The following SCAMP5 variants were observed in gnomAD, a reference collection of about 807,000 sequenced individuals.
SCAMP5 encodes secretory carrier-associated membrane protein 5.
In SCAMP5, 7 loss-of-function variants were observed where a neutral mutation model predicts 28.3. The ratio of observed to expected loss-of-function variants is 0.25; its 90% confidence interval spans 0.14 to 0.46. The LOEUF is 0.46. SCAMP5 is among the 20% of genes least tolerant of loss of function. The pLI is 0.99. For synonymous variants in SCAMP5, 117 were observed against 116.4 expected, an observed-to-expected ratio of 1.00 and a Z score of -0.03; for missense variants, 192 against 312.5, an observed-to-expected ratio of 0.61 and a Z score of 2.91.
intron 4 of SCAMP5, chr15:75,017,650 A>C (rs1043929678): frequency 3.3e-6 from 2 of 605,486 alleles, no homozygotes; most frequent in Non-Finnish European, 5.9e-6. Context: ...TGGTCTGTTC[A>C]TGGGAAATCC....
At position 75,015,454 on chromosome 15, in the gene SCAMP5, G is replaced by C. The variant is rs3751647; in HGVS notation, c.137-1139G>C. ...TCAGCTAGATGAGGTGGGGACAGAG[G>C]GGGGGGGGCCTGGGTCCTGTTCTTG... is the stretch of plus-strand genomic sequence containing the variant. On this transcript the variant is annotated intron_variant, in intron 3 of 6. Coordinates refer to ENST00000425597, the MANE Select transcript of SCAMP5 (RefSeq NM_138967.4). Among the ~76,000 whole-genome samples the C allele has an allele frequency of 6.1e-3, 914 of 150,022 alleles. 20 individuals carry two copies. The East Asian group carries it at 0.094, about 15-fold the overall frequency.
At chr15:75,014,126 G>A (rs1290649165) in intron 3 of SCAMP5, among the ~76,000 whole-genome samples, 1 of 152,198 alleles carries the variant, frequency 6.6e-6, no homozygotes, top group Non-Finnish European at 1.5e-5. Flanking sequence ...TGCCCTGAGT[G>A]AGGCCTGCAC....
At chr15:75,010,869 G>T (rs1186419559) in intron 1 of SCAMP5, among the ~76,000 whole-genome samples, 2 of 152,040 alleles carry the variant, frequency 1.3e-5, no homozygotes, top group Non-Finnish European at 2.9e-5. Flanking sequence ...TTTGCCCGGG[G>T]AACTCCTCTT....
chr15:74,995,739 TG>T, intron 1 of SCAMP5, 66 bp downstream of exon 1: 1 of 151,972 alleles, frequency 6.6e-6, no homozygotes, highest in East Asian at 1.9e-4. Context: ...GCGAGAGGTG[TG>T]GGGGTCGCTG....
intron 1 of SCAMP5, among the ~76,000 whole-genome samples, chr15:75,001,313 A>C (rs2065706057): frequency 6.6e-6 from 1 of 150,966 alleles, no homozygotes; most frequent in Middle Eastern, 3.4e-3. Context: ...AATATCTATG[A>C]AGCCATCCTT....
chr15:75,018,481 T>C lies in SCAMP5; in HGVS notation c.459T>C (p.Ile153=), dbSNP rs1005272569. The change falls in exon 6 of 7, where the codon ATT becomes ATC. Residue 153 remains isoleucine, a synonymous_variant. Transcript: ENST00000425597. This position sits in a 1 kb window ranked among gnomAD's most constrained non-coding sequence, Gnocchi z 5.6. ...TTGGCTCGGCGGTGGTGATGCTAAT[T>C]CCCACTGTCATGTTCACAGTGATGG... ...TNIGSAVVML[I]PTVMFTVMAV... 6 of 1,613,728 alleles carry C rather than the reference T, an allele frequency of 3.7e-6. No homozygotes were observed. Among genetic ancestry groups the C allele is most frequent in the Non-Finnish European group, 5.1e-6 (6 of 1,179,674 alleles).
In SCAMP5 at chr15:75,019,106, A is replaced by C; in HGVS notation, c.*123A>C. 1.7e-6 allele frequency: 1 copy of C among 577,144 alleles called. No homozygotes were observed. The highest frequency in any genetic ancestry group is 3.0e-6 in the Non-Finnish European group (1 of 336,344). 35.8% of individuals were successfully genotyped at this position (577,144 alleles called of 1,614,324 possible). A position where few individuals can be genotyped will look rare whatever the true frequency, so the allele number is the denominator to read the frequency against. On this transcript the variant is annotated 3_prime_UTR_variant, in exon 7 of 7. Transcript: ENST00000425597. ...CTTTTCTCCTTCCCTACTTTGTACAAAGGACCAGAGTTATATATATATATA... is the reference window on the plus strand; with the variant it reads ...CTTTTCTCCTTCCCTACTTTGTACACAGGACCAGAGTTATATATATATATA...
intron 1 of SCAMP5, among the ~76,000 whole-genome samples, chr15:75,004,460 T>TCTGTAGACCATG (rs1435103471): frequency 6.6e-6 from 1 of 152,124 alleles, no homozygotes; most frequent in Non-Finnish European, 1.5e-5. Flanking sequence ...GCCGGCATGG[T>TCTGTAGACCATG]GGCTCACGCC....
chr15:75,002,507 C>T (rs550150695), intron 1 of SCAMP5, among the ~76,000 whole-genome samples: 1 of 152,064 alleles, frequency 6.6e-6, no homozygotes, highest in South Asian at 2.1e-4. Context: ...TTCTTTATCA[C>T]TGCTGTCACC....
chr15:75,012,581 G>A, intron 2 of SCAMP5, 96 bp from the exon 3 acceptor site: 1 of 1,436,704 alleles, frequency 7.0e-7, no homozygotes, highest in Non-Finnish European at 9.7e-7. Flanking sequence ...GTGGCCACAG[G>A]GGCCAATGGG....
At chr15:75,001,402 G>C (rs1389208192) in intron 1 of SCAMP5, among the ~76,000 whole-genome samples, 1 of 152,052 alleles carries the variant, frequency 6.6e-6, no homozygotes, top group Non-Finnish European at 1.5e-5. Flanking sequence ...TGCTCAGGCT[G>C]TGTCAGAATT....
chr15:74,999,953 A>G (rs2065688200), intron 1 of SCAMP5, among the ~76,000 whole-genome samples: 1 of 152,174 alleles, frequency 6.6e-6, no homozygotes, highest in Admixed American at 6.5e-5. Flanking sequence ...CTTTCACGAG[A>G]TATTGTTGAG....
intron 1 of SCAMP5, 107 bp downstream of exon 1, chr15:74,995,780 CT>C (rs2065645954): frequency 6.5e-6 from 1 of 152,736 alleles, no homozygotes; most frequent in Non-Finnish European, 1.5e-5. Context: ...TACACTTCAC[CT>C]TTGGATGCAG....
intron 3 of SCAMP5, among the ~76,000 whole-genome samples, chr15:75,015,223 G>A (rs1225338128): frequency 1.3e-5 from 2 of 152,186 alleles, no homozygotes; most frequent in Non-Finnish European, 2.9e-5. Flanking sequence ...ATGCCTGGCT[G>A]TTTGAGGCCA....
At chr15:74,997,799 C>T (rs1026958779) in intron 1 of SCAMP5, among the ~76,000 whole-genome samples, 1 of 152,178 alleles carries the variant, frequency 6.6e-6, no homozygotes, top group African/African-American at 2.4e-5. Flanking sequence ...ACTGAATAGT[C>T]ATCAGTAGGA....
chr15:74,998,675 C>T (rs915286431), intron 1 of SCAMP5, among the ~76,000 whole-genome samples: 1 of 150,990 alleles, frequency 6.6e-6, no homozygotes, highest in Non-Finnish European at 1.5e-5. Context: ...CAACCCCCCA[C>T]CCCCCATTTC....
In SCAMP5 at chr15:75,005,153, T is replaced by G. The variant is rs557544126; in HGVS notation, c.-48-6639T>G. On this transcript the variant is annotated intron_variant, in intron 1 of 6. Coordinates refer to ENST00000425597, the MANE Select transcript of SCAMP5 (RefSeq NM_138967.4). Reference sequence around the variant, plus strand: ...TCGTGCCACTGCACTCCAGCCTGGGTGACAGAGTGAGGCTCTTGTCTCAAA... The same window carrying G: ...TCGTGCCACTGCACTCCAGCCTGGGGGACAGAGTGAGGCTCTTGTCTCAAA... 1.4e-3 allele frequency among the ~76,000 whole-genome samples: 202 copies of G among 149,274 alleles called. 1 individual carries two copies. Among genetic ancestry groups the G allele is most frequent in the Middle Eastern group, 7.0e-3 (2 of 286 alleles).
In SCAMP5 at chr15:74,996,853, A is replaced by G. The variant is rs1014124548; in HGVS notation, c.-49+1180A>G. ...TTCTGGGCTTGGTGAGCCTTAGGGC[A>G]AAGTCTCTAGAGCTGAGAGGGGGCT... is the stretch of plus-strand genomic sequence containing the variant. On this transcript the variant is annotated intron_variant, in intron 1 of 6. Coordinates refer to ENST00000425597, the MANE Select transcript of SCAMP5 (RefSeq NM_138967.4). This position sits in a 1 kb window ranked among gnomAD's most constrained non-coding sequence, Gnocchi z 4.1. Among the ~76,000 whole-genome samples the G allele has an allele frequency of 2.0e-5, 3 of 152,072 alleles. No individual in the cohort carries two copies. Among genetic ancestry groups the G allele is most frequent in the Admixed American group, 1.3e-4 (2 of 15,280 alleles).
chr15:75,008,420 C>G (rs1276665602), intron 1 of SCAMP5, among the ~76,000 whole-genome samples: 1 of 149,472 alleles, frequency 6.7e-6, no homozygotes, highest in African/African-American at 2.5e-5. Context: ...ATGATTTACA[C>G]TTTTTGTGCT....
Sources: gnomAD v4.1 joint callset for allele counts (sites outside exome capture counted in the v4.1 genomes callset) on GRCh38, gnomAD v4.1.1 for gene constraint, Gnocchi (gnomAD v3.1) non-coding constraint, MANE v1.5 for transcripts, NCBI Gene and HGNC (gene_info 2026-07-23, HGNC 2026-07-21) for gene names.